MIA2: variants seen among roughly 807,000 people sequenced by gnomAD.
The protein encoded by MIA2 is MIA SH3 domain ER export factor 2.
A neutral mutation model predicts 167.8 loss-of-function variants in MIA2; 127 were observed. The observed-to-expected ratio is 0.76, with a 90% CI of 0.66 to 0.88. The LOEUF is 0.88. Among genes scored for constraint, MIA2 ranks in the 40% least tolerant of loss-of-function variants. The probability of loss-of-function intolerance (pLI) is 0.00; values close to 1 mark genes in which losing one functional copy is unlikely to be tolerated. For missense variants in MIA2, 1,690 were observed against 1,624.7 expected, an observed-to-expected ratio of 1.04 and a Z score of -0.69; for synonymous variants, 552 against 541.9, an observed-to-expected ratio of 1.02 and a Z score of -0.26.
chr14:39,359,992 G>GTTTTTTTTTTTTTTTTTT (rs58076493), intron 23 of MIA2, among the ~76,000 whole-genome samples: 1 of 128,818 alleles, frequency 7.8e-6, no homozygotes. Flanking sequence ...TCTGCAGCAT[G>GTTTTTTTTTTTTTTTTTT]TTTTTTTTTT....
At chr14:39,381,626 A>G (rs985750588) in intron 23 of MIA2, among the ~76,000 whole-genome samples, 2 of 151,594 alleles carry the variant, frequency 1.3e-5, no homozygotes, top group African/African-American at 2.4e-5. Context: ...TGTTACATAA[A>G]TAAAGTCCCT....
rs762862635 is a variant in MIA2 at position 39,247,211 on chromosome 14, C to T, written c.637C>T (p.His213Tyr). 5.6e-6 allele frequency: 9 copies of T among 1,614,132 alleles called. No individual in the cohort carries two copies. The highest frequency in any genetic ancestry group is 1.3e-5 in the African/African-American group (1 of 75,044). Reference sequence around the variant, plus strand: ...GGAACAGGATCGTATTCCAGAAGTGCATGTCCCACCATCTTCAGCTGTGTC... The same window carrying T: ...GGAACAGGATCGTATTCCAGAAGTGTATGTCCCACCATCTTCAGCTGTGTC... ...SMEQDRIPEV[H>Y]VPPSSAVSGV... The change falls in exon 4 of 29, where the codon CAT becomes TAT. Residue 213 changes from histidine (H) to tyrosine (Y), a missense_variant. By Grantham distance (83) the His-to-Tyr change is moderately conservative. Transcript: ENST00000640607.
chr14:39,353,404 TAA>T (rs2074442458), downstream of MIA2, among the ~76,000 whole-genome samples: 1 of 152,150 alleles, frequency 6.6e-6, no homozygotes, highest in Admixed American at 6.6e-5. Context: ...TACATGAGAT[TAA>T]GTTTTTTAAC....
intron 25 of MIA2, among the ~76,000 whole-genome samples, chr14:39,337,974 C>T (rs528352384): frequency 7.9e-5 from 12 of 152,260 alleles, no homozygotes; most frequent in East Asian, 3.9e-4. Flanking sequence ...CCACCCACCT[C>T]GGCCTCCCAA....
At chr14:39,238,982 T>TAATGAA (rs984805325) in intron 2 of MIA2, among the ~76,000 whole-genome samples, 4 of 152,138 alleles carry the variant, frequency 2.6e-5, no homozygotes, top group Non-Finnish European at 5.9e-5. Context: ...TTATGGTTTA[T>TAATGAA]AATGAAAAGG....
At chr14:39,357,881 C>T (rs1366720308) in intron 23 of MIA2, among the ~76,000 whole-genome samples, 2 of 84,158 alleles carry the variant, frequency 2.4e-5, no homozygotes, top group South Asian at 3.4e-4. Context: ...AATATTGGCC[C>T]GCACTCTCTT....
chr14:39,245,239 C>A (rs1486353314), intron 3 of MIA2, among the ~76,000 whole-genome samples: 1 of 152,114 alleles, frequency 6.6e-6, no homozygotes, highest in Admixed American at 6.5e-5. Context: ...CTGTGTCCAG[C>A]GTTTTGGTGC....
At chr14:39,309,707 G>C (rs1450533084) in intron 18 of MIA2, among the ~76,000 whole-genome samples, 2 of 152,102 alleles carry the variant, frequency 1.3e-5, no homozygotes, top group South Asian at 2.1e-4. Flanking sequence ...TTAAATACAA[G>C]CTCTGAGAGA....
intron 25 of MIA2, among the ~76,000 whole-genome samples, chr14:39,344,772 G>C (rs1186107825): frequency 6.6e-6 from 1 of 152,128 alleles, no homozygotes; most frequent in African/African-American, 2.4e-5. Context: ...TTTGGAGTTG[G>C]ACATATGCAT....
chr14:39,240,741 T>TTA (rs796771348), intron 3 of MIA2, 94 bp downstream of exon 3: 2 of 746,148 alleles, frequency 2.7e-6, no homozygotes, highest in Admixed American at 2.6e-5. Context: ...TATGTACCTT[T>TTA]TATAGTAAAT....
intron 25 of MIA2, among the ~76,000 whole-genome samples, chr14:39,337,080 T>C (rs1172559445): frequency 1.3e-5 from 2 of 152,304 alleles, no homozygotes; most frequent in South Asian, 4.1e-4. Flanking sequence ...TTAAAACTTG[T>C]TTCATTTCTT....
chr14:39,298,313 C>CT (rs1397692796), intron 13 of MIA2, among the ~76,000 whole-genome samples: 1 of 150,704 alleles, frequency 6.6e-6, no homozygotes, highest in Non-Finnish European at 1.5e-5. Flanking sequence ...ATACTGTGTA[C>CT]TTAAGTCTCT....
chr14:39,315,623 G>T, intron 20 of MIA2, 60 bp from the exon 21 acceptor site: 1 of 1,278,636 alleles, frequency 7.8e-7, no homozygotes, highest in South Asian at 1.3e-5. Flanking sequence ...TGGTAGATGT[G>T]AATGTTTTTT....
chr14:39,263,759 G>A (rs186860715), intron 6 of MIA2, among the ~76,000 whole-genome samples: 112 of 151,622 alleles, frequency 7.4e-4, no homozygotes, highest in African/African-American at 2.6e-3. Flanking sequence ...AGCTTCCCAA[G>A]TAGCTGGGAT....
downstream of MIA2, among the ~76,000 whole-genome samples, chr14:39,355,900 G>T (rs1376112920): frequency 6.6e-6 from 1 of 152,218 alleles, no homozygotes; most frequent in Admixed American, 6.5e-5. Context: ...CAGGGATGAA[G>T]CCTATTTGAT....
At chr14:39,339,921 C>T (rs1381732828) in intron 25 of MIA2, among the ~76,000 whole-genome samples, 1 of 152,204 alleles carries the variant, frequency 6.6e-6, no homozygotes, top group Admixed American at 6.5e-5. Flanking sequence ...ACACAGCTTA[C>T]TACAGCCTCG....
intron 3 of MIA2, among the ~76,000 whole-genome samples, chr14:39,241,222 C>G (rs938215496): frequency 8.5e-5 from 13 of 152,122 alleles, no homozygotes; most frequent in African/African-American, 3.1e-4. Context: ...TCAAGGGAAT[C>G]AGGAGGTGGC....
downstream of MIA2, chr14:39,351,330 C>G (rs1316838433): frequency 6.7e-6 from 1 of 149,812 alleles, no homozygotes; most frequent in East Asian, 2.0e-4. Context: ...GTTTGGAACA[C>G]TGATCTTGTG....
chr14:39,346,044 C>T lies in MIA2; in HGVS notation c.3778+18C>T. The T allele has an allele frequency of 6.2e-7, 1 of 1,600,376 alleles. No individual in the cohort carries two copies. The highest frequency in any genetic ancestry group is 8.5e-7 in the Non-Finnish European group (1 of 1,172,700). ...TAAAATGGGTAAGAAGTACTTTGTG[C>T]TTTTCTTCTTTAAAAATTTTGGTGG... On this transcript the variant is annotated intron_variant, in intron 26 of 28. Transcript: ENST00000640607.
Sources: allele counts gnomAD v4.1 joint callset (sites outside exome capture counted in the v4.1 genomes callset), GRCh38; gene constraint gnomAD v4.1.1; transcripts MANE v1.5; gene names NCBI Gene and HGNC (gene_info 2026-07-23, HGNC 2026-07-21).